MDGA1: variants seen among roughly 807,000 people sequenced by gnomAD.
MDGA1 encodes MAM domain containing glycosylphosphatidylinositol anchor 1, also known as MAM domain-containing glycosylphosphatidylinositol anchor protein 1.
Under a neutral mutation model 101.5 loss-of-function variants are expected in MDGA1, and 54 were observed. The ratio of observed to expected loss-of-function variants is 0.53; its 90% confidence interval spans 0.43 to 0.67. The LOEUF (loss-of-function observed/expected upper bound fraction) is 0.67, where lower values mean the gene tolerates loss of function less well. Among genes scored for constraint, MDGA1 ranks in the 30% least tolerant of loss-of-function variants. The pLI is 0.00. For missense variants in MDGA1, 1,083 were observed against 1,323.8 expected, an observed-to-expected ratio of 0.82 and a Z score of 2.82; for synonymous variants, 533 against 558.3, an observed-to-expected ratio of 0.95 and a Z score of 0.64.
chr6:37,649,419 A>G (rs1761304213), intron 8 of MDGA1, among the ~76,000 whole-genome samples, 153 bp from the exon 9 acceptor site: 1 of 152,138 alleles, frequency 6.6e-6, no homozygotes, highest in African/African-American at 2.4e-5. Flanking sequence ...CATCCCTCCA[A>G]TGGCCACGAT....
chr6:37,636,068 TAA>T lies in MDGA1; in HGVS notation c.*1298_*1299del. On this transcript the variant is annotated 3_prime_UTR_variant, in exon 17 of 17. Coordinates refer to ENST00000434837, the MANE Select transcript of MDGA1 (RefSeq NM_153487.4). ...ACATACACACATATGCACGCATGCC[TAA>T]AGAGTCATTCTAGAAGGGGCTGGGC... 4.5e-6 allele frequency: 1 copy of T among 223,430 alleles called. No homozygotes were observed. The highest frequency in any genetic ancestry group is 8.7e-6 in the Non-Finnish European group (1 of 114,860). 13.8% of individuals were successfully genotyped at this position (223,430 alleles called of 1,614,324 possible).
intron 2 of MDGA1, among the ~76,000 whole-genome samples, chr6:37,659,162 C>G (rs7775837): frequency 0.59 from 90,257 of 151,788 alleles, 28,190 homozygotes; most frequent in East Asian, 0.85. Flanking sequence ...TGCACCCCTG[C>G]CTGACAGCTG....
intron 1 of MDGA1, among the ~76,000 whole-genome samples, chr6:37,666,504 C>T (rs1254083426): frequency 6.6e-6 from 1 of 152,184 alleles, no homozygotes; most frequent in Non-Finnish European, 1.5e-5. Context: ...CAGGAAACGT[C>T]CCATCAGTGA....
intron 3 of MDGA1, 37 bp downstream of exon 3, chr6:37,658,208 C>G: frequency 6.6e-7 from 1 of 1,522,832 alleles, no homozygotes; most frequent in Non-Finnish European, 8.8e-7. Context: ...CCGGGCTGGG[C>G]TGTCAGGGCC....
chr6:37,643,856 T>C lies in MDGA1; in HGVS notation c.2489A>G (p.Lys830Arg). Residue 830 changes from lysine (K) to arginine (R), a missense_variant, in exon 14 of 17, where the codon AAG becomes AGG. Around this residue, in one of 3 missense-constraint regions of MDGA1, gnomAD observed 657 missense variants for 771.4 expected, o/e 0.85. Coordinates refer to ENST00000434837, the MANE Select transcript of MDGA1 (RefSeq NM_153487.4). Reference sequence around the variant, plus strand: ...GTAGAAGAAGGAGACACAGTAGAACTTGGCGCTGGCATTGTAGAGGGGACT... The same window carrying C: ...GTAGAAGAAGGAGACACAGTAGAACCTGGCGCTGGCATTGTAGAGGGGACT... ...LVSPLYNASAKFYCVSFFYHM... is the reference protein window; with the variant it reads ...LVSPLYNASARFYCVSFFYHM... The C allele has an allele frequency of 1.2e-6, 2 of 1,613,974 alleles. No individual in the cohort carries two copies. The highest frequency in any genetic ancestry group is 1.7e-6 in the Non-Finnish European group (2 of 1,179,870).
intron 1 of MDGA1, among the ~76,000 whole-genome samples, chr6:37,693,117 T>C (rs1221657239): frequency 6.6e-6 from 1 of 152,030 alleles, no homozygotes; most frequent in Non-Finnish European, 1.5e-5. Flanking sequence ...TTTCTGTAAG[T>C]GAAAAGAAAG....
Position 37,631,254 on chromosome 6 carries a change from C to T in MDGA1, c.*6114G>A, listed in dbSNP as rs1327544195. 6.6e-6 allele frequency: 1 copy of T among 152,200 alleles called. No individual in the cohort carries two copies. Among genetic ancestry groups the T allele is most frequent in the African/African-American group, 2.4e-5 (1 of 41,438 alleles). 9.4% of individuals were successfully genotyped at this position (152,200 alleles called of 1,614,324 possible). On this transcript the variant is annotated 3_prime_UTR_variant, in exon 17 of 17. Transcript: ENST00000434837. The stretch of plus-strand genomic sequence containing the variant: ...TGTTTGGATTTCTGAGTGCCCATCC[C>T]CCTCACTGTGTTTGTCCTCACAATA...
chr6:37,668,558 A>T (rs1339736032), intron 1 of MDGA1, among the ~76,000 whole-genome samples: 2 of 152,238 alleles, frequency 1.3e-5, no homozygotes, highest in Non-Finnish European at 2.9e-5. Flanking sequence ...TCTTCATACA[A>T]AGGAATATTC....
rs1399443212 is a variant in MDGA1 at position 37,655,960 on chromosome 6, C to T, written c.383-64G>A. On this transcript the variant is annotated intron_variant, in intron 3 of 16. Transcript: ENST00000434837. This position sits in a 1 kb window ranked among gnomAD's most constrained non-coding sequence, Gnocchi z 5.1. ...ACCCCAAGGTTGGGGGGCTCAGGCTCCTGGCAGCCCTTAGGAAGAGCTGAG... is the reference window on the plus strand; with the variant it reads ...ACCCCAAGGTTGGGGGGCTCAGGCTTCTGGCAGCCCTTAGGAAGAGCTGAG... The T allele has an allele frequency of 1.6e-5, 23 of 1,404,796 alleles. No individual in the cohort carries two copies. The highest frequency in any genetic ancestry group is 2.2e-5 in the Non-Finnish European group (23 of 1,040,526). The allele number at this position is 1,404,796 out of a possible 1,614,324, so 87.0% of individuals were successfully genotyped here. A position where few individuals can be genotyped will look rare whatever the true frequency, so the allele number is the denominator to read the frequency against.
chr6:37,643,725 C>G, intron 14 of MDGA1, 84 bp downstream of exon 14: 1 of 1,569,450 alleles, frequency 6.4e-7, no homozygotes, highest in Non-Finnish European at 8.7e-7. Flanking sequence ...CTCACATGGG[C>G]CAGCCCATCG....
At position 37,637,562 on chromosome 6, in the gene MDGA1, G is replaced by A. The variant is rs1464726544; in HGVS notation, c.2777-103C>T. 3.1e-6 allele frequency: 3 copies of A among 974,880 alleles called. No homozygotes were observed. In the East Asian group the frequency reaches 7.5e-5, roughly 24 times the overall value. 60.4% of individuals were successfully genotyped at this position (974,880 alleles called of 1,614,324 possible). On this transcript the variant is annotated intron_variant, in intron 16 of 16. Transcript: ENST00000434837. ...GCACTGTTACTCTGCCCACCTCTTT[G>A]GAGGGCCTGAGGGTGGGCACTGGCC...
At chr6:37,651,947 T>G in intron 7 of MDGA1, 64 bp downstream of exon 7, 1 of 1,369,520 alleles carries the variant, frequency 7.3e-7, no homozygotes, top group Non-Finnish European at 9.7e-7. Flanking sequence ...GCCTCCCCAC[T>G]ACCTCCTGTC....
intron 9 of MDGA1, chr6:37,648,730 G>T: frequency 1.6e-6 from 1 of 608,096 alleles, no homozygotes; most frequent in Non-Finnish European, 2.7e-6. Context: ...TCAAGGGAAG[G>T]TGTGAGTGGA....
At chr6:37,643,263 G>A (rs547526504) in intron 14 of MDGA1, 1 of 152,328 alleles carries the variant, frequency 6.6e-6, no homozygotes, top group South Asian at 2.1e-4. Context: ...TCCTGCTGGA[G>A]TCTTTTCTTT....
At position 37,632,760 on chromosome 6, in the gene MDGA1, C is replaced by T. The variant is rs968322141; in HGVS notation, c.*4608G>A. On this transcript the variant is annotated 3_prime_UTR_variant, in exon 17 of 17. Transcript: ENST00000434837. ...GGCGGGGTGGGCTGGGGTGGTCAGA[C>T]ATGTGGGCCTGGGCATGAGGAGTTT... is the stretch of plus-strand genomic sequence containing the variant. 6.5e-6 allele frequency: 1 copy of T among 152,838 alleles called. No homozygotes were observed. Among genetic ancestry groups the T allele is most frequent in the East Asian group, 1.9e-4 (1 of 5,174 alleles). 9.5% of individuals were successfully genotyped at this position (152,838 alleles called of 1,614,324 possible). A position where few individuals can be genotyped will look rare whatever the true frequency, so the allele number is the denominator to read the frequency against.
rs1266617834 is a variant in MDGA1 at position 37,635,744 on chromosome 6, C to T, written c.*1624G>A. The T allele has an allele frequency of 5.0e-6, 2 of 398,480 alleles. No homozygotes were observed. Among genetic ancestry groups the T allele is most frequent in the Non-Finnish European group, 8.8e-6 (2 of 226,094 alleles). The allele number at this position is 398,480 out of a possible 1,614,324, so 24.7% of individuals were successfully genotyped here. On this transcript the variant is annotated 3_prime_UTR_variant, in exon 17 of 17. Transcript: ENST00000434837. ...CAAAGGTGCTTGCATTCAATAGGGT[C>T]ATCTGTAAGCTCTCCGTCATCCATA... is the stretch of plus-strand genomic sequence containing the variant.
intron 11 of MDGA1, 51 bp downstream of exon 11, chr6:37,646,147 C>A: frequency 6.4e-7 from 1 of 1,551,982 alleles, no homozygotes; most frequent in South Asian, 1.2e-5. Flanking sequence ...TGAAAGGGGT[C>A]CCTGGCCATG....
chr6:37,664,312 A>AC, intron 1 of MDGA1: 1 of 586,958 alleles, frequency 1.7e-6, no homozygotes, highest in Non-Finnish European at 3.0e-6. Flanking sequence ...CAGGAAAGGG[A>AC]CAGTTCCCCA....
chr6:37,670,672 T>C (rs1761849662), intron 1 of MDGA1, among the ~76,000 whole-genome samples: 1 of 152,238 alleles, frequency 6.6e-6, no homozygotes, highest in African/African-American at 2.4e-5. Context: ...TCACATCCCC[T>C]GCAGCCTGCA....
Sources: allele counts gnomAD v4.1 joint callset (sites outside exome capture counted in the v4.1 genomes callset), GRCh38; gene constraint gnomAD v4.1.1; regional missense constraint gnomAD v4.1.1; non-coding constraint Gnocchi (gnomAD v3.1); transcripts MANE v1.5; gene names NCBI Gene and HGNC (gene_info 2026-07-23, HGNC 2026-07-21).